SETD3: variants seen among roughly 807,000 people sequenced by gnomAD.
SETD3 encodes actin-histidine N-methyltransferase.
SETD3 carries 19 observed loss-of-function variants against 63.0 expected under a neutral mutation model. The ratio of observed to expected loss-of-function variants is 0.30; its 90% CI spans 0.21 to 0.44. The LOEUF (loss-of-function observed/expected upper bound fraction) is 0.44, where lower values mean the gene tolerates loss of function less well. Among genes scored for constraint, SETD3 ranks in the 20% least tolerant of loss-of-function variants. The pLI is 1.00. For synonymous variants in SETD3, 286 were observed against 264.1 expected, an observed-to-expected ratio of 1.08 and a Z score of -0.80; for missense variants, 587 against 728.5, an observed-to-expected ratio of 0.81 and a Z score of 2.24.
At chr14:99,462,158 T>C (rs1381554128) in intron 3 of SETD3, among the ~76,000 whole-genome samples, 1 of 152,146 alleles carries the variant, frequency 6.6e-6, no homozygotes, top group Non-Finnish European at 1.5e-5. Flanking sequence ...GGAAAGCTGA[T>C]CAGTGGGTGA....
At chr14:99,410,055 G>A in intron 8 of SETD3, 1 of 660,370 alleles carries the variant, frequency 1.5e-6, no homozygotes, top group Non-Finnish European at 2.7e-6. Context: ...AAATGTAACA[G>A]GACAGGGCAG....
chr14:99,405,234 G>A lies in SETD3; in HGVS notation c.1062C>T (p.Ala354=), dbSNP rs772083840. The change falls in exon 10 of 13, where the codon GCC becomes GCT. Residue 354 remains alanine (A), a synonymous_variant. Transcript: ENST00000331768. ...GGATGCCGGCACGAGCCAAGACCTC[G>A]GCCTTCATGGCGTAGAGTCTGTCAC... ...SKSDRLYAMK[A]EVLARAGIPT... 2.0e-5 allele frequency: 33 copies of A among 1,613,742 alleles called. No homozygotes were observed. Among genetic ancestry groups the A allele is most frequent in the African/African-American group, 4.0e-5 (3 of 74,916 alleles).
upstream of SETD3, among the ~76,000 whole-genome samples, chr14:99,484,062 C>T (rs1201526399): frequency 6.6e-6 from 1 of 152,212 alleles, no homozygotes; most frequent in Non-Finnish European, 1.5e-5. Flanking sequence ...AATAAATTTA[C>T]TTGGTGTGAT....
rs781248346 is a variant in SETD3 at position 99,406,541 on chromosome 14, A to T, written c.899T>A (p.Leu300Gln). 3.1e-6 allele frequency: 5 copies of T among 1,614,110 alleles called. No individual in the cohort carries two copies. The highest frequency in any genetic ancestry group is 4.5e-5 in the East Asian group (2 of 44,900). Residue 300 changes from leucine to glutamine, a missense_variant, in exon 9 of 13, where the codon CTG (leucine) becomes CAG (glutamine). Transcript: ENST00000331768. ...LEDDRCECVA[L>Q]QDFRAGEQIY... ...CTGCTCTCCAGCCCGAAAATCCTGC[A>T]GAGCCACACACTCACAGCGGTCATC...
chr14:99,440,498 G>A (rs549397957), intron 6 of SETD3, among the ~76,000 whole-genome samples: 11 of 152,248 alleles, frequency 7.2e-5, no homozygotes, highest in Non-Finnish European at 1.0e-4. Context: ...CACAGCCTCC[G>A]GTGTCTACAT....
intron 2 of SETD3, among the ~76,000 whole-genome samples, chr14:99,463,978 A>G (rs1336288987): frequency 6.6e-6 from 1 of 152,262 alleles, no homozygotes; most frequent in African/African-American, 2.4e-5. Context: ...AGTAAAAGTT[A>G]ATAGTAAAAG....
intron 7 of SETD3, 106 bp downstream of exon 7, chr14:99,413,770 G>A (rs946573737): frequency 8.9e-6 from 9 of 1,010,756 alleles, no homozygotes; most frequent in South Asian, 1.4e-5. Flanking sequence ...ATGCTTTAAC[G>A]GTCACAGCAG....
chr14:99,417,626 A>G (rs1368831206), intron 6 of SETD3, among the ~76,000 whole-genome samples: 1 of 152,246 alleles, frequency 6.6e-6, no homozygotes, highest in East Asian at 1.9e-4. Context: ...AAGCTCATAC[A>G]ACAAACCTTT....
At chr14:99,451,020 A>G (rs891626989) in intron 6 of SETD3, among the ~76,000 whole-genome samples, 5 of 152,150 alleles carry the variant, frequency 3.3e-5, no homozygotes, top group African/African-American at 1.2e-4. Flanking sequence ...AGGGTCTATT[A>G]ATTTATTTTT....
At chr14:99,480,554 T>C (rs1896245133) in intron 1 of SETD3, among the ~76,000 whole-genome samples, 174 bp downstream of exon 1, 1 of 150,464 alleles carries the variant, frequency 6.6e-6, no homozygotes, top group Non-Finnish European at 1.5e-5. Flanking sequence ...AGCGCACACC[T>C]GCCCCTTCAA....
intron 1 of SETD3, among the ~76,000 whole-genome samples, chr14:99,477,043 G>C (rs1485051573): frequency 6.6e-6 from 1 of 152,116 alleles, no homozygotes; most frequent in African/African-American, 2.4e-5. Context: ...GGTTAGGCTT[G>C]CAAAAGGCTA....
chr14:99,467,632 T>A (rs1349767931), intron 1 of SETD3, among the ~76,000 whole-genome samples: 1 of 152,160 alleles, frequency 6.6e-6, no homozygotes, highest in Non-Finnish European at 1.5e-5. Flanking sequence ...CGCAGAAGCA[T>A]CCTGTCAGCA....
At chr14:99,433,365 T>C (rs1160901688) in intron 6 of SETD3, among the ~76,000 whole-genome samples, 2 of 152,134 alleles carry the variant, frequency 1.3e-5, no homozygotes, top group East Asian at 3.8e-4. Flanking sequence ...GTGTAAAATA[T>C]ATTAATAATT....
At chr14:99,410,286 C>T (rs759320669) in intron 8 of SETD3, 21 of 1,609,460 alleles carry the variant, frequency 1.3e-5, no homozygotes, top group Middle Eastern at 1.6e-4. Flanking sequence ...ACAGGTTGTT[C>T]GGAGAGACTT....
At chr14:99,484,831 T>G (rs538298310), upstream of SETD3, among the ~76,000 whole-genome samples, 3 of 152,394 alleles carry the variant, frequency 2.0e-5, no homozygotes, top group South Asian at 6.2e-4. Context: ...TACTATTGTT[T>G]CCATAATTCT....
intron 11 of SETD3, among the ~76,000 whole-genome samples, chr14:99,401,722 G>GT (rs1249514730): frequency 3.9e-5 from 6 of 152,080 alleles, no homozygotes; most frequent in Non-Finnish European, 8.8e-5. Flanking sequence ...TGGACGTTCT[G>GT]TTTTTTTAAG....
chr14:99,439,285 C>T (rs1893658059), intron 6 of SETD3, among the ~76,000 whole-genome samples: 2 of 152,234 alleles, frequency 1.3e-5, no homozygotes, highest in African/African-American at 4.8e-5. Flanking sequence ...ACCCCCAACT[C>T]CAGACTGCTG....
chr14:99,481,067 A>G (rs1896291736), upstream of SETD3: 1 of 191,544 alleles, frequency 5.2e-6, no homozygotes, highest in Non-Finnish European at 1.1e-5. Flanking sequence ...GCCGCCGCCA[A>G]CCACGATGTC....
intron 6 of SETD3, among the ~76,000 whole-genome samples, chr14:99,428,431 G>A (rs1211626849): frequency 6.6e-6 from 1 of 152,132 alleles, no homozygotes. Flanking sequence ...GATCACTTGA[G>A]GTGAGGAATT....
Sources: allele counts gnomAD v4.1 joint callset (sites outside exome capture counted in the v4.1 genomes callset), GRCh38; gene constraint gnomAD v4.1.1; transcripts MANE v1.5; gene names NCBI Gene and HGNC (gene_info 2026-07-23, HGNC 2026-07-21).